USP15: variants seen among roughly 807,000 people sequenced by gnomAD.
USP15 encodes ubiquitin carboxyl-terminal hydrolase 15.
In USP15, 18 loss-of-function variants were observed where a neutral mutation model predicts 127.1. The observed-to-expected ratio is 0.14, with a 90% CI of 0.10 to 0.21. USP15 has a LOEUF of 0.21. Ranked by LOEUF, USP15 falls within the 10% of genes least tolerant of loss-of-function variation. USP15 has a pLI of 1.00. For synonymous variants in USP15, 364 were observed against 393.7 expected, an observed-to-expected ratio of 0.92 and a Z score of 0.89; for missense variants, 805 against 1,159.9, an observed-to-expected ratio of 0.69 and a Z score of 4.44.
At position 62,301,506 on chromosome 12, in the gene USP15, T is replaced by G. The variant is rs1225181435; in HGVS notation, c.218-1284T>G. 2.0e-5 allele frequency among the ~76,000 whole-genome samples: 3 copies of G among 152,184 alleles called. No individual in the cohort carries two copies. In the East Asian group the frequency reaches 5.8e-4, roughly 29 times the overall value. On this transcript the variant is annotated intron_variant, in intron 2 of 21. Transcript: ENST00000280377. ...ATACAATGAAATCCCACTCAGCAAT[T>G]AAAAGAAATTAAGTATTGATATGTA...
intron 7 of USP15, among the ~76,000 whole-genome samples, chr12:62,354,027 G>A (rs2066042896): frequency 6.6e-6 from 1 of 151,826 alleles, no homozygotes; most frequent in African/African-American, 2.4e-5. Context: ...GTAGAAGAAA[G>A]GAGTGTTTTT....
At chr12:62,328,017 A>G (rs1187389321) in intron 6 of USP15, among the ~76,000 whole-genome samples, 1 of 152,212 alleles carries the variant, frequency 6.6e-6, no homozygotes, top group East Asian at 1.9e-4. Context: ...GAATAAAGGG[A>G]AATTCTAACT....
intron 6 of USP15, among the ~76,000 whole-genome samples, chr12:62,329,936 G>A (rs1009891800): frequency 2.6e-5 from 4 of 152,138 alleles, no homozygotes; most frequent in Admixed American, 2.6e-4. Context: ...AGATCTTTGA[G>A]GATATAATCT....
intron 21 of USP15, among the ~76,000 whole-genome samples, chr12:62,403,950 A>G (rs867981908): frequency 1.7e-4 from 26 of 152,116 alleles, no homozygotes; most frequent in South Asian, 1.7e-3. Flanking sequence ...ACTGTGATAC[A>G]GTTGCATTTA....
At position 62,414,087 on chromosome 12, in the gene USP15, TCAAA is replaced by T. The variant is rs1379436165; in HGVS notation, c.*9717_*9720del. The T allele has an allele frequency of 6.6e-6, 1 of 152,060 alleles. No homozygotes were observed. Among genetic ancestry groups the T allele is most frequent in the Non-Finnish European group, 1.5e-5 (1 of 67,996 alleles). 9.4% of individuals were successfully genotyped at this position (152,060 alleles called of 1,614,324 possible). On this transcript the variant is annotated 3_prime_UTR_variant, in exon 22 of 22. Coordinates refer to ENST00000280377, the MANE Select transcript of USP15 (RefSeq NM_001252078.2). ...AGTTGGAACACACACGTCTGTGCCC[TCAAA>T]CAAAACAGTAACATCAAAGATTACT...
At chr12:62,321,732 C>T (rs1051388280) in intron 5 of USP15, 123 bp downstream of exon 5, 230 of 725,102 alleles carry the variant, frequency 3.2e-4, no homozygotes, top group Non-Finnish European at 2.5e-4. Flanking sequence ...CTAAACTCAT[C>T]TCTTGTCTTT....
chr12:62,289,139 G>T (rs1592506251), intron 1 of USP15, among the ~76,000 whole-genome samples: 1 of 152,052 alleles, frequency 6.6e-6, no homozygotes, highest in Non-Finnish European at 1.5e-5. Context: ...TACTATTTTG[G>T]AACAGTTTCA....
chr12:62,287,428 T>G (rs1352325710), intron 1 of USP15, among the ~76,000 whole-genome samples: 3 of 152,232 alleles, frequency 2.0e-5, no homozygotes, highest in African/African-American at 7.2e-5. Context: ...GTTGCCATTG[T>G]TGTCATTGAG....
intron 6 of USP15, chr12:62,335,121 G>A (rs2065421368): frequency 6.5e-7 from 1 of 1,527,054 alleles, no homozygotes. Flanking sequence ...TTGATGTCTA[G>A]TTAATGTATG....
intron 8 of USP15, among the ~76,000 whole-genome samples, chr12:62,379,671 C>A (rs967292600): frequency 7.2e-5 from 11 of 152,136 alleles, no homozygotes; most frequent in Admixed American, 6.6e-4. Flanking sequence ...CTTAGCATAA[C>A]CCTGAGCTGA....
At chr12:62,356,201 CT>C (rs1160985125) in intron 8 of USP15, among the ~76,000 whole-genome samples, 2 of 151,616 alleles carry the variant, frequency 1.3e-5, no homozygotes, top group Non-Finnish European at 3.0e-5. Context: ...GAATTTTAAC[CT>C]TTTTTTCGTC....
chr12:62,327,622 A>C (rs1565858296), intron 6 of USP15: 2 of 435,012 alleles, frequency 4.6e-6, no homozygotes, highest in Non-Finnish European at 9.1e-6. Context: ...TTTTGCCCAA[A>C]AGATGACTAA....
At chr12:62,364,809 G>C (rs943244086) in intron 8 of USP15, among the ~76,000 whole-genome samples, 1 of 151,906 alleles carries the variant, frequency 6.6e-6, no homozygotes. Context: ...AGAACATGCA[G>C]TGTTTGATTT....
At position 62,297,029 on chromosome 12, in the gene USP15, T is replaced by C. The variant is rs184574365; in HGVS notation, c.217+2723T>C. On this transcript the variant is annotated intron_variant, in intron 2 of 21. Transcript: ENST00000280377. Reference sequence around the variant, plus strand: ...GCTGCAGCTGGAAGGCTCTGAGAGATTGAGAGAAGGCTAAGAACCTGAGGC... The same window carrying C: ...GCTGCAGCTGGAAGGCTCTGAGAGACTGAGAGAAGGCTAAGAACCTGAGGC... 3.7e-4 allele frequency among the ~76,000 whole-genome samples: 57 copies of C among 152,246 alleles called. No homozygotes were observed. In the East Asian group the frequency reaches 0.011, roughly 29 times the overall value.
intron 1 of USP15, among the ~76,000 whole-genome samples, chr12:62,271,123 A>T (rs374187389): frequency 2.0e-5 from 3 of 152,070 alleles, no homozygotes; most frequent in African/African-American, 7.2e-5. Context: ...TACCTGGAAA[A>T]TGTAAGACAA....
rs115640357 is a variant in USP15, at chr12:62,345,053, T to G, written c.684-4168T>G. Among the ~76,000 whole-genome samples, 1,065 of 152,336 alleles carry G rather than the reference T, an allele frequency of 7.0e-3. 9 individuals are homozygous for G. The highest frequency in any genetic ancestry group is 0.023 in the African/African-American group (971 of 41,560). On this transcript the variant is annotated intron_variant, in intron 6 of 21. Coordinates refer to ENST00000280377, the MANE Select transcript of USP15 (RefSeq NM_001252078.2). Reference sequence around the variant, plus strand: ...TTCCCCATTGTCTTGGGGATTAACATTTGGCTGCTCGGTACTTTTGCCGGC... The same window carrying G: ...TTCCCCATTGTCTTGGGGATTAACAGTTGGCTGCTCGGTACTTTTGCCGGC...
chr12:62,383,274 A>G (rs1331220770), intron 9 of USP15, among the ~76,000 whole-genome samples: 4 of 151,992 alleles, frequency 2.6e-5, no homozygotes, highest in Non-Finnish European at 5.9e-5. Context: ...CATTTTCGTC[A>G]ACCAGACAAT....
Position 62,294,312 on chromosome 12 carries a change from TA to T in USP15, c.217+7del, listed in dbSNP as rs1565826364. 2 of 1,602,622 alleles carry T rather than the reference TA, an allele frequency of 1.2e-6. No homozygotes were observed. Among genetic ancestry groups the T allele is most frequent in the South Asian group, 2.3e-5 (2 of 87,396 alleles). Reference sequence around the variant, plus strand: ...TAACTCTGGACTTCTCAAAGGTCATTATTTTCTTCCTTCAGTCAAGTTGTAA... The same window carrying T: ...TAACTCTGGACTTCTCAAAGGTCATTTTTTCTTCCTTCAGTCAAGTTGTAA... On this transcript the variant is annotated splice_region_variant and intron_variant, in intron 2 of 21. Coordinates refer to ENST00000280377, the MANE Select transcript of USP15 (RefSeq NM_001252078.2).
chr12:62,397,135 A>T (rs890325627), intron 20 of USP15, among the ~76,000 whole-genome samples: 2 of 151,434 alleles, frequency 1.3e-5, no homozygotes, highest in African/African-American at 4.8e-5. Context: ...TTAGACACAC[A>T]GTTGGATTCA....
Sources: allele counts gnomAD v4.1 joint callset (sites outside exome capture counted in the v4.1 genomes callset), GRCh38; gene constraint gnomAD v4.1.1; transcripts MANE v1.5; gene names NCBI Gene and HGNC (gene_info 2026-07-23, HGNC 2026-07-21).